Variants in CD300LF observed in about 807,000 individuals in gnomAD.
The protein encoded by CD300LF is CD300 molecule like family member f, also known as CMRF35-like molecule 1.
CD300LF carries 27 observed loss-of-function variants against 32.2 expected under a neutral mutation model. The ratio of observed to expected loss-of-function variants is 0.84; its 90% confidence interval spans 0.62 to 1.15. The LOEUF is 1.15. Among genes scored for constraint, CD300LF ranks in the 50% most tolerant of loss-of-function variants. The probability of loss-of-function intolerance (pLI) is 0.00; values close to 1 mark genes in which losing one functional copy is unlikely to be tolerated. For missense variants in CD300LF, 348 were observed against 356.8 expected (o/e 0.98, Z 0.20); for synonymous variants, 139 against 143.2 (o/e 0.97, Z 0.21).
At chr17:74,702,134 G>C (rs2033111235) in intron 3 of CD300LF, among the ~76,000 whole-genome samples, 1 of 152,092 alleles carries the variant, frequency 6.6e-6, no homozygotes, top group African/African-American at 2.4e-5. Flanking sequence ...CCTCCCATAG[G>C]GATTTTGTGG....
chr17:74,698,637 G>C lies in CD300LF; in HGVS notation c.447-156C>G, dbSNP rs754958642. On this transcript the variant is annotated intron_variant, in intron 3 of 6. Coordinates refer to ENST00000326165, the MANE Select transcript of CD300LF (RefSeq NM_139018.5). ...ACCCTCACTCCTGGGGATCCTCAAA[G>C]ATGGGTTTACAATGAGTACACATAG... is the stretch of plus-strand genomic sequence containing the variant. The C allele has an allele frequency of 5.0e-5, 74 of 1,473,294 alleles. 1 individual carries two copies. The Middle Eastern group carries it at 5.8e-4, about 12-fold the overall frequency. The allele number at this position is 1,473,294 out of a possible 1,614,324, so 91.3% of individuals were successfully genotyped here. A position where few individuals can be genotyped will look rare whatever the true frequency, so the allele number is the denominator to read the frequency against.
In CD300LF at chr17:74,698,581, G is replaced by A. The variant is rs1360389224; in HGVS notation, c.447-100C>T. Reference sequence around the variant, plus strand: ...AGCAGGGGAGGGCCACACACCTGATGAGCTGCAGGTCTGTAGTTTGCAGCC... The same window carrying A: ...AGCAGGGGAGGGCCACACACCTGATAAGCTGCAGGTCTGTAGTTTGCAGCC... On this transcript the variant is annotated intron_variant, in intron 3 of 6. Coordinates refer to ENST00000326165, the MANE Select transcript of CD300LF (RefSeq NM_139018.5). 8 of 1,520,132 alleles carry A rather than the reference G, an allele frequency of 5.3e-6. No homozygotes were observed. In the South Asian group the frequency reaches 8.8e-5, roughly 17 times the overall value. The allele number at this position is 1,520,132 out of a possible 1,614,324, so 94.2% of individuals were successfully genotyped here.
intron 4 of CD300LF, among the ~76,000 whole-genome samples, chr17:74,696,991 G>A (rs2032549503): frequency 6.6e-6 from 1 of 152,106 alleles, no homozygotes; most frequent in Non-Finnish European, 1.5e-5. Flanking sequence ...ACCCATGCCG[G>A]AGGGCAATGG....
At position 74,695,780 on chromosome 17, in the gene CD300LF, G is replaced by A; in HGVS notation, c.662C>T (p.Thr221Ile). The A allele has an allele frequency of 6.2e-7, 1 of 1,614,156 alleles. No homozygotes were observed. Among genetic ancestry groups the A allele is most frequent in the Non-Finnish European group, 8.5e-7 (1 of 1,180,020 alleles). Residue 221 changes from threonine (T) to isoleucine (I), a missense_variant, in exon 6 of 7, where the codon ACC (threonine) becomes ATC (isoleucine). Coordinates refer to ENST00000326165, the MANE Select transcript of CD300LF (RefSeq NM_139018.5). ...AACCTGGGCAGAGGAAAGCTTCGTG[G>A]TAGCCTTTTGCGGGGAGGTTCCGGC... ...QLAGTSPQKA[T>I]TKLSSAQVDQ...
chr17:74,708,222 A>G lies in CD300LF; in HGVS notation c.44-3406T>C, dbSNP rs544459583. Among the ~76,000 whole-genome samples, 194 of 152,272 alleles carry G rather than the reference A, an allele frequency of 1.3e-3. 3 individuals are homozygous for G. The highest frequency in any genetic ancestry group is 0.01 in the Middle Eastern group (3 of 294). ...ATATGCTAAAATCAGCACAAAATAA[A>G]TAGAAAACCTGAATCATTCCACAGC... On this transcript the variant is annotated intron_variant, in intron 1 of 6. Coordinates refer to ENST00000326165, the MANE Select transcript of CD300LF (RefSeq NM_139018.5).
At chr17:74,711,011 C>T (rs553632846) in intron 1 of CD300LF, among the ~76,000 whole-genome samples, 75 of 152,260 alleles carry the variant, frequency 4.9e-4, no homozygotes, top group African/African-American at 1.6e-3. Context: ...CACACTCCAG[C>T]CTAGGCAACA....
chr17:74,705,527 C>A, intron 1 of CD300LF: 1 of 455,738 alleles, frequency 2.2e-6, no homozygotes, highest in Non-Finnish European at 3.9e-6. Context: ...ATTACTATCA[C>A]CTTGTAGAAA....
chr17:74,710,154 A>G (rs2033841522), intron 1 of CD300LF, among the ~76,000 whole-genome samples: 1 of 151,382 alleles, frequency 6.6e-6, no homozygotes, highest in Admixed American at 6.6e-5. Flanking sequence ...AATTTTTTGT[A>G]CTTTTGGTAG....
At chr17:74,710,927 C>A (rs2033912817) in intron 1 of CD300LF, among the ~76,000 whole-genome samples, 1 of 152,032 alleles carries the variant, frequency 6.6e-6, no homozygotes, top group Admixed American at 6.5e-5. Flanking sequence ...TTAATCCCAG[C>A]AACTCAGACG....
chr17:74,707,716 GAA>G (rs201223906), intron 1 of CD300LF, among the ~76,000 whole-genome samples: 2 of 102,458 alleles, frequency 2.0e-5, no homozygotes, highest in Admixed American at 1.0e-4. Context: ...CTCCATCTCA[GAA>G]AAAAAAAAAA....
chr17:74,698,719 G>C, intron 3 of CD300LF: 1 of 998,960 alleles, frequency 1.0e-6, no homozygotes, highest in Non-Finnish European at 1.4e-6. Flanking sequence ...ATGGAGGGTG[G>C]GAGGAAGCAA....
At chr17:74,700,173 A>G (rs1017592438) in intron 3 of CD300LF, among the ~76,000 whole-genome samples, 14 of 132,910 alleles carry the variant, frequency 1.1e-4, no homozygotes, top group African/African-American at 1.9e-4. Context: ...ATAAATAAAC[A>G]AACAAACAAA....
chr17:74,706,969 A>G (rs1270126730), intron 1 of CD300LF, among the ~76,000 whole-genome samples: 1 of 152,216 alleles, frequency 6.6e-6, no homozygotes, highest in African/African-American at 2.4e-5. Flanking sequence ...TTATCTCACA[A>G]CATATACAAA....
intron 5 of CD300LF, 69 bp from the exon 6 acceptor site, chr17:74,695,928 G>A: frequency 6.5e-7 from 1 of 1,543,208 alleles, no homozygotes; most frequent in Non-Finnish European, 8.8e-7. Flanking sequence ...TTTCCACGGT[G>A]GGACGGGACG....
Position 74,707,826 on chromosome 17 carries a change from A to G in CD300LF, c.44-3010T>C, listed in dbSNP as rs1364773949. Among the ~76,000 whole-genome samples, 4 of 152,192 alleles carry G rather than the reference A, an allele frequency of 2.6e-5. No homozygotes were observed. The East Asian group carries it at 5.8e-4, about 22-fold the overall frequency. The stretch of plus-strand genomic sequence containing the variant: ...GATATAATAATAAAAGGATATTTAA[A>G]CAATGTTATGCCAATGAATTTACAA... On this transcript the variant is annotated intron_variant, in intron 1 of 6. Transcript: ENST00000326165.
At chr17:74,695,587 G>A in intron 6 of CD300LF, 138 bp downstream of exon 6, 1 of 1,262,710 alleles carries the variant, frequency 7.9e-7, no homozygotes, top group Non-Finnish European at 1.1e-6. Context: ...GGCGAGTCCT[G>A]CAGTGACTAT....
In CD300LF at chr17:74,695,171, C is replaced by A. The variant is rs2032308933; in HGVS notation, c.798G>T (p.Met266Ile). 1 of 1,614,014 alleles carries A rather than the reference C, an allele frequency of 6.2e-7. No individual in the cohort carries two copies. Among genetic ancestry groups the A allele is most frequent in the African/African-American group, 1.3e-5 (1 of 74,908 alleles). ...CGGGGAGGTGGCTACTGAGGTGGCCCATGTTGCAGTAGGTCGGTTCCTGAT... is the reference window on the plus strand; with the variant it reads ...CGGGGAGGTGGCTACTGAGGTGGCCAATGTTGCAGTAGGTCGGTTCCTGAT... ...AEDQEPTYCN[M>I]GHLSSHLPGR... The change falls in exon 7 of 7, where the codon ATG becomes ATT. Residue 266 changes from methionine to isoleucine, a missense_variant. By Grantham distance (10) the Met-to-Ile change is conservative. Transcript: ENST00000326165.
At chr17:74,696,926 TTGGTTTGG>T (rs1178400177) in intron 4 of CD300LF, among the ~76,000 whole-genome samples, 1 of 151,528 alleles carries the variant, frequency 6.6e-6, no homozygotes, top group African/African-American at 2.4e-5. Flanking sequence ...TTGGTTTGGT[TTGGTTTGG>T]TTTGGTTTGG....
intron 1 of CD300LF, among the ~76,000 whole-genome samples, chr17:74,707,201 T>C (rs1443180862): frequency 6.6e-6 from 1 of 152,104 alleles, no homozygotes; most frequent in Admixed American, 6.6e-5. Flanking sequence ...AGCGACAACC[T>C]ACAGAGTGAG....
Sources: allele counts gnomAD v4.1 joint callset (sites outside exome capture counted in the v4.1 genomes callset), GRCh38; gene constraint gnomAD v4.1.1; transcripts MANE v1.5; gene names NCBI Gene and HGNC (gene_info 2026-07-23, HGNC 2026-07-21).